Variants in ATF1 observed in about 807,000 individuals in gnomAD.
ATF1 encodes activating transcription factor 1, also known as cyclic AMP-dependent transcription factor ATF-1.
Under a neutral mutation model 34.7 loss-of-function variants are expected in ATF1, and 16 were observed. The observed-to-expected ratio is 0.46, with a 90% CI of 0.31 to 0.70. The LOEUF (loss-of-function observed/expected upper bound fraction) is 0.70. Among genes scored for constraint, ATF1 ranks in the 30% least tolerant of loss-of-function variants. The pLI is 0.05. For missense variants in ATF1, 255 were observed against 321.6 expected (o/e 0.79, Z 1.58); for synonymous variants, 105 against 113.1 (o/e 0.93, Z 0.46).
intron 2 of ATF1, chr12:50,788,336 TCA>T (rs1592181230): frequency 2.5e-6 from 1 of 397,826 alleles, no homozygotes. Flanking sequence ...GTGTGTGCCA[TCA>T]CATCCGGCTA....
chr12:50,766,750 G>A (rs147792362), intron 1 of ATF1, among the ~76,000 whole-genome samples: 1 of 150,550 alleles, frequency 6.6e-6, no homozygotes, highest in Non-Finnish European at 1.5e-5. Flanking sequence ...TTTCATTGTC[G>A]GCTGCAATGA....
At chr12:50,780,837 G>T (rs563206048) in intron 2 of ATF1, among the ~76,000 whole-genome samples, 23 of 151,984 alleles carry the variant, frequency 1.5e-4, no homozygotes, top group Admixed American at 4.6e-4. Context: ...GCGGTTGCCT[G>T]TAATCCCAGC....
Position 50,776,334 on chromosome 12 carries a change from T to A in ATF1, c.-6-3806T>A, listed in dbSNP as rs7297505. ...CTGTCTCAAAAAAGAAAAAAAAAAT[T>A]TTTTTTTAATTAGCCAGATATGGTG... On this transcript the variant is annotated intron_variant, in intron 1 of 6. Coordinates refer to ENST00000262053, the MANE Select transcript of ATF1 (RefSeq NM_005171.5). 1.5e-3 allele frequency among the ~76,000 whole-genome samples: 211 copies of A among 144,776 alleles called. 8 individuals carry two copies. The highest frequency in any genetic ancestry group is 4.8e-3 in the African/African-American group (191 of 39,572). The allele number at this position is 144,776 out of a possible 152,430, so 95.0% of individuals were successfully genotyped here.
intron 3 of ATF1, 35 bp downstream of exon 3, chr12:50,796,044 T>G (rs765420040): frequency 6.0e-6 from 9 of 1,511,522 alleles, no homozygotes; most frequent in African/African-American, 1.4e-5. Flanking sequence ...CTGCATGTTA[T>G]GATAGTACCA....
intron 3 of ATF1, among the ~76,000 whole-genome samples, chr12:50,804,943 G>T (rs553526116): frequency 3.3e-5 from 5 of 151,820 alleles, no homozygotes; most frequent in African/African-American, 1.2e-4. Context: ...TCAAGTAGTG[G>T]GGACTACAGG....
At chr12:50,814,563 C>T in intron 6 of ATF1, 124 bp downstream of exon 6, 1 of 1,078,084 alleles carries the variant, frequency 9.3e-7, no homozygotes, top group Non-Finnish European at 1.3e-6. Context: ...AAACAATGGA[C>T]CACATAAATG....
chr12:50,763,500 AGCT>A (rs1940540660), upstream of ATF1, among the ~76,000 whole-genome samples: 1 of 151,402 alleles, frequency 6.6e-6, no homozygotes, highest in Non-Finnish European at 1.5e-5. Flanking sequence ...CTGTGGTCCC[AGCT>A]GCCCCATAGG....
intron 2 of ATF1, among the ~76,000 whole-genome samples, chr12:50,780,737 C>T (rs911142536): frequency 2.6e-5 from 4 of 151,092 alleles, no homozygotes; most frequent in Non-Finnish European, 4.4e-5. Flanking sequence ...TCAGGGCGGG[C>T]GGATCACGAG....
Position 50,814,006 on chromosome 12 carries a change from A to G in ATF1, c.329-4A>G, listed in dbSNP as rs1226182446. ...CAATAGCTATTTTCTCTTTTTGATT[A>G]AAGTTGCCATTGCCCCAAATGGAGC... On this transcript the variant is annotated splice_region_variant and splice_polypyrimidine_tract_variant and intron_variant, in intron 4 of 6. Coordinates refer to ENST00000262053, the MANE Select transcript of ATF1 (RefSeq NM_005171.5). The G allele has an allele frequency of 6.2e-7, 1 of 1,607,246 alleles. No homozygotes were observed. The highest frequency in any genetic ancestry group is 8.5e-7 in the Non-Finnish European group (1 of 1,177,996).
intron 2 of ATF1, 41 bp from the exon 3 acceptor site, chr12:50,795,868 C>A: frequency 6.8e-7 from 1 of 1,476,182 alleles, no homozygotes; most frequent in Non-Finnish European, 9.4e-7. Context: ...TTTCTTTTCC[C>A]ACCTGCATTG....
chr12:50,789,408 TG>T (rs1941254704), intron 2 of ATF1, among the ~76,000 whole-genome samples: 1 of 152,156 alleles, frequency 6.6e-6, no homozygotes, highest in African/African-American at 2.4e-5. Flanking sequence ...TTTTAGATTT[TG>T]GACTGATAAT....
At chr12:50,795,739 A>G (rs1409032169) in intron 2 of ATF1, among the ~76,000 whole-genome samples, 170 bp from the exon 3 acceptor site, 1 of 152,192 alleles carries the variant, frequency 6.6e-6, no homozygotes. Flanking sequence ...CTCCTGGAAT[A>G]AACTTTCTCA....
intron 4 of ATF1, 100 bp downstream of exon 4, chr12:50,809,689 G>T (rs1941694497): frequency 2.4e-6 from 3 of 1,229,922 alleles, no homozygotes; most frequent in Admixed American, 4.9e-5. Context: ...TGATAGTGAT[G>T]ATTATTAAAG....
At chr12:50,790,821 T>C (rs1941285633) in intron 2 of ATF1, among the ~76,000 whole-genome samples, 1 of 152,036 alleles carries the variant, frequency 6.6e-6, no homozygotes, top group Non-Finnish European at 1.5e-5. Flanking sequence ...CCAAATCTTT[T>C]CTTTCTTGGT....
intron 2 of ATF1, among the ~76,000 whole-genome samples, chr12:50,781,090 C>T (rs893095999): frequency 1.3e-5 from 2 of 151,966 alleles, no homozygotes; most frequent in Non-Finnish European, 1.5e-5. Flanking sequence ...TTCTTTTAAA[C>T]GAAGTATATA....
chr12:50,819,557 GA>G, intron 6 of ATF1, 77 bp from the exon 7 acceptor site: 2 of 1,520,832 alleles, frequency 1.3e-6, no homozygotes, highest in Admixed American at 1.9e-5. Flanking sequence ...GGTGACCACG[GA>G]AAATTACTGA....
chr12:50,777,062 C>T (rs1013346770), intron 1 of ATF1, among the ~76,000 whole-genome samples: 1 of 152,068 alleles, frequency 6.6e-6, no homozygotes, highest in African/African-American at 2.4e-5. Flanking sequence ...CTGTGATGGC[C>T]AGACTGATCT....
chr12:50,806,784 A>C (rs1941624952), intron 3 of ATF1, among the ~76,000 whole-genome samples: 1 of 152,058 alleles, frequency 6.6e-6, no homozygotes, highest in African/African-American at 2.4e-5. Context: ...TGGCCACCAG[A>C]TGGGAATCTA....
chr12:50,814,935 CGTG>C (rs1156927758), intron 6 of ATF1, among the ~76,000 whole-genome samples: 3 of 150,908 alleles, frequency 2.0e-5, no homozygotes, highest in Non-Finnish European at 2.9e-5. Flanking sequence ...TCCTGGCTAA[CGTG>C]GTGAAACTCC....
Sources: gnomAD v4.1 joint callset for allele counts (sites outside exome capture counted in the v4.1 genomes callset) on GRCh38, gnomAD v4.1.1 for gene constraint, MANE v1.5 for transcripts, NCBI Gene and HGNC (gene_info 2026-07-23, HGNC 2026-07-21) for gene names.